Variants in TEX14 observed in about 807,000 individuals in gnomAD.
TEX14 encodes inactive serine/threonine-protein kinase TEX14.
In TEX14, 168 loss-of-function variants were observed where a neutral mutation model predicts 178.6. The ratio of observed to expected loss-of-function variants is 0.94; its 90% confidence interval spans 0.83 to 1.07. The LOEUF (loss-of-function observed/expected upper bound fraction) is 1.07, where lower values mean the gene tolerates loss of function less well. Among genes scored for constraint, TEX14 ranks in the 50% least tolerant of loss-of-function variants. TEX14 has a pLI of 0.00. For missense variants in TEX14, 1,730 were observed against 1,753.6 expected (o/e 0.99, Z 0.24); for synonymous variants, 626 against 634.1 (o/e 0.99, Z 0.19).
intron 2 of TEX14, among the ~76,000 whole-genome samples, chr17:58,642,161 A>C (rs993852088): frequency 6.6e-6 from 1 of 152,228 alleles, no homozygotes; most frequent in African/African-American, 2.4e-5. Context: ...CACCTCAATT[A>C]ACACATCTCA....
At chr17:58,681,388 C>T (rs1461897707) in intron 1 of TEX14, among the ~76,000 whole-genome samples, 1 of 152,104 alleles carries the variant, frequency 6.6e-6, no homozygotes, top group Non-Finnish European at 1.5e-5. Context: ...GTGATGCAAC[C>T]AGACACTTGT....
chr17:58,561,556 C>T lies in TEX14; in HGVS notation c.4121G>A (p.Ser1374Asn). 6.2e-7 allele frequency: 1 copy of T among 1,614,036 alleles called. No individual in the cohort carries two copies. The highest frequency in any genetic ancestry group is 2.2e-5 in the East Asian group (1 of 44,878). The stretch of plus-strand genomic sequence containing the variant: ...CTTGGGAAGGTCTTGTAGCTCCACG[C>T]TCTCCTCAGGTGGCTGCAGCCATCT... ...LERWLQPPEE[S>N]VELQDLPKGS... Residue 1374 changes from serine to asparagine, a missense_variant, in exon 29 of 32, where the codon AGC becomes AAC. Transcript: ENST00000349033.
At chr17:58,589,663 G>C (rs989196707) in intron 15 of TEX14, among the ~76,000 whole-genome samples, 3 of 147,820 alleles carry the variant, frequency 2.0e-5, no homozygotes, top group Non-Finnish European at 4.5e-5. Flanking sequence ...AGAGACTGCT[G>C]AATCAGAGAG....
rs1167354507 is a variant in TEX14 at position 58,569,419 on chromosome 17, A to C, written c.3818-159T>G. ...CTCTTACATAATAGTTCCAGTAGAG[A>C]CCTCCTAACATGTGAATGGCCTTTA... On this transcript the variant is annotated intron_variant, in intron 25 of 31. Coordinates refer to ENST00000349033, the MANE Select transcript of TEX14 (RefSeq NM_031272.5). The surrounding 1 kb of genome is among the most constrained non-coding windows in gnomAD (Gnocchi z 4.1). 1.3e-5 allele frequency among the ~76,000 whole-genome samples: 2 copies of C among 152,038 alleles called. No individual in the cohort carries two copies. The highest frequency in any genetic ancestry group is 6.6e-5 in the Admixed American group (1 of 15,248).
Position 58,602,492 on chromosome 17 carries a change from A to G in TEX14, c.1435T>C (p.Tyr479His). ...TGGATGCCTGACTTAACAATATCAT[A>G]GTAAGGTTTCGGAAGCCTGACATCA... is the stretch of plus-strand genomic sequence containing the variant. ...EADVRLPKPY[Y>H]DIVKSGIHVK... The change falls in exon 12 of 32, where the codon TAT becomes CAT. Residue 479 changes from tyrosine to histidine, a missense_variant. Around this residue, in one of 2 missense-constraint regions of TEX14, gnomAD observed 789 missense variants for 681.2 expected, o/e 1.16. Coordinates refer to ENST00000349033, the MANE Select transcript of TEX14 (RefSeq NM_031272.5). The G allele has an allele frequency of 1.2e-6, 2 of 1,614,088 alleles. No individual in the cohort carries two copies. Among genetic ancestry groups the G allele is most frequent in the Non-Finnish European group, 1.7e-6 (2 of 1,180,014 alleles).
intron 14 of TEX14, among the ~76,000 whole-genome samples, chr17:58,596,883 A>G (rs2045297916): frequency 6.6e-6 from 1 of 152,184 alleles, no homozygotes; most frequent in South Asian, 2.1e-4. Context: ...TTGAGGCTGC[A>G]GTGAGCCATG....
At chr17:58,653,157 T>G (rs2046875204) in intron 1 of TEX14, among the ~76,000 whole-genome samples, 1 of 152,066 alleles carries the variant, frequency 6.6e-6, no homozygotes, top group Admixed American at 6.6e-5. Context: ...AGAATGGTCT[T>G]GATCTCTTGC....
intron 1 of TEX14, among the ~76,000 whole-genome samples, chr17:58,667,642 T>C (rs2047235556): frequency 6.6e-6 from 1 of 152,168 alleles, no homozygotes; most frequent in South Asian, 2.1e-4. Context: ...CCCAACACTT[T>C]GGGAGGCTGA....
intron 1 of TEX14, among the ~76,000 whole-genome samples, chr17:58,663,636 T>C (rs2047158068): frequency 6.6e-6 from 1 of 151,882 alleles, no homozygotes; most frequent in African/African-American, 2.4e-5. Flanking sequence ...CTGGCTAATT[T>C]TTTGTGTTTT....
intron 3 of TEX14, among the ~76,000 whole-genome samples, chr17:58,623,345 C>T (rs2046048840): frequency 6.6e-6 from 1 of 152,114 alleles, no homozygotes; most frequent in Non-Finnish European, 1.5e-5. Flanking sequence ...ATTTTCTTTC[C>T]CCAGCACTCT....
chr17:58,621,604 G>T, intron 5 of TEX14, 46 bp downstream of exon 5: 1 of 1,559,594 alleles, frequency 6.4e-7, no homozygotes, highest in Non-Finnish European at 8.7e-7. Context: ...CCACGAGGAA[G>T]GCTGGGTGAT....
At chr17:58,670,694 A>G (rs56197005) in intron 1 of TEX14, among the ~76,000 whole-genome samples, 1 of 146,898 alleles carries the variant, frequency 6.8e-6, no homozygotes, top group South Asian at 2.2e-4. Context: ...AATTGCTTGA[A>G]CCCGGGAGGT....
chr17:58,584,525 A>T lies in TEX14; in HGVS notation c.3146T>A (p.Leu1049Ter). ...SEAFQASSDT[L>*]VAVEKSYSTS... ...ACTGTAAGATTTCTCTACAGCCACC[A>T]ATGTGTCAGAACTTGCTTGGAAGGC... Residue 1049 changes from leucine (L) to a stop codon, truncating the protein, a stop_gained, in exon 19 of 32, where the codon TTG (leucine) becomes TAG (stop). Transcript: ENST00000349033. LOFTEE classifies it high-confidence loss of function. 6.2e-7 allele frequency: 1 copy of T among 1,614,040 alleles called. No homozygotes were observed. Among genetic ancestry groups the T allele is most frequent in the Non-Finnish European group, 8.5e-7 (1 of 1,179,956 alleles).
chr17:58,627,445 G>A (rs555069553), intron 3 of TEX14, among the ~76,000 whole-genome samples: 17 of 152,180 alleles, frequency 1.1e-4, no homozygotes, highest in African/African-American at 3.9e-4. Flanking sequence ...CACTCAAGGC[G>A]ATGTTTATAC....
At chr17:58,592,492 G>A (rs568438225) in intron 15 of TEX14, among the ~76,000 whole-genome samples, 84 of 151,984 alleles carry the variant, frequency 5.5e-4, no homozygotes, top group African/African-American at 1.8e-3. Flanking sequence ...CCGCCACCAC[G>A]CCCGGCTAAT....
At chr17:58,681,224 AC>A (rs1567774711) in intron 1 of TEX14, among the ~76,000 whole-genome samples, 1 of 152,110 alleles carries the variant, frequency 6.6e-6, no homozygotes, top group Non-Finnish European at 1.5e-5. Context: ...GTGCCATTGC[AC>A]TCCAGCCTGA....
intron 10 of TEX14, among the ~76,000 whole-genome samples, chr17:58,609,180 G>T (rs2045686734): frequency 6.6e-6 from 1 of 152,162 alleles, no homozygotes. Flanking sequence ...CGTGATCTTG[G>T]CTCACTGCAA....
chr17:58,618,867 C>G (rs892495447), intron 5 of TEX14, among the ~76,000 whole-genome samples: 1 of 152,238 alleles, frequency 6.6e-6, no homozygotes, highest in Admixed American at 6.5e-5. Context: ...TCCCAATTTA[C>G]ACCTGGTATC....
intron 2 of TEX14, among the ~76,000 whole-genome samples, chr17:58,636,528 C>T (rs1481538500): frequency 2.6e-5 from 4 of 152,216 alleles, no homozygotes; most frequent in Non-Finnish European, 5.9e-5. Flanking sequence ...ATTATTATCA[C>T]TGTTTTGTAG....
Sources: gnomAD v4.1 joint callset for allele counts (sites outside exome capture counted in the v4.1 genomes callset) on GRCh38, gnomAD v4.1.1 for gene constraint, gnomAD v4.1.1 regional missense constraint, Gnocchi (gnomAD v3.1) non-coding constraint, MANE v1.5 for transcripts, NCBI Gene and HGNC (gene_info 2026-07-23, HGNC 2026-07-21) for gene names.